Variants in NCAM1 observed in about 807,000 individuals in gnomAD.
NCAM1 encodes neural cell adhesion molecule 1, also known as antigen recognized by monoclonal antibody 5.1H11.
In NCAM1, 14 loss-of-function variants were observed where a neutral mutation model predicts 109.8. The ratio of observed to expected loss-of-function variants is 0.13; its 90% CI spans 0.08 to 0.20. NCAM1 has a LOEUF of 0.20. Ranked by LOEUF, NCAM1 falls within the 10% of genes least tolerant of loss-of-function variation. The pLI is 1.00. For synonymous variants in NCAM1, 418 were observed against 442.9 expected (o/e 0.94, Z 0.70); for missense variants, 774 against 1,109.9 (o/e 0.70, Z 4.30).
chr11:113,102,165 A>G lies in NCAM1; in HGVS notation c.53-100214A>G, dbSNP rs189603278. ...TCATTACATTTTTTAGTCATCTGAA[A>G]AAGTTCTTTAGGATTATTATTTCAT... On this transcript the variant is annotated intron_variant, in intron 1 of 19. Coordinates refer to ENST00000316851, the MANE Select transcript of NCAM1 (RefSeq NM_181351.5). Among the ~76,000 whole-genome samples, 49 of 152,340 alleles carry G rather than the reference A, an allele frequency of 3.2e-4. No homozygotes were observed. In the South Asian group the frequency reaches 8.5e-3, roughly 26 times the overall value.
intron 1 of NCAM1, among the ~76,000 whole-genome samples, chr11:113,099,666 A>G (rs541982894): frequency 6.6e-6 from 1 of 152,134 alleles, no homozygotes; most frequent in Non-Finnish European, 1.5e-5. Context: ...AGCTTGCTTC[A>G]AGGGCTTTTT....
At chr11:112,966,237 A>T (rs1394423745) in intron 1 of NCAM1, among the ~76,000 whole-genome samples, 2 of 152,228 alleles carry the variant, frequency 1.3e-5, no homozygotes, top group Admixed American at 1.3e-4. Context: ...TGGCTGTATA[A>T]AATGAAGTCA....
rs544068132 is a variant in NCAM1 at position 113,148,003 on chromosome 11, G to A, written c.53-54376G>A. 6.6e-5 allele frequency among the ~76,000 whole-genome samples: 10 copies of A among 152,344 alleles called. No homozygotes were observed. The South Asian group carries it at 2.1e-3, about 32-fold the overall frequency. ...GTGTGAAAACACTTTAAAAATGGGT[G>A]AATGCTCTACAAATATCATGTCTTA... On this transcript the variant is annotated intron_variant, in intron 1 of 19. Coordinates refer to ENST00000316851, the MANE Select transcript of NCAM1 (RefSeq NM_181351.5).
chr11:113,028,380 G>A (rs1480058770), intron 1 of NCAM1, among the ~76,000 whole-genome samples: 1 of 152,034 alleles, frequency 6.6e-6, no homozygotes, highest in Non-Finnish European at 1.5e-5. Flanking sequence ...AAGCCGCTTT[G>A]TGTATTATTG....
chr11:113,025,167 T>A (rs1952498381), intron 1 of NCAM1, among the ~76,000 whole-genome samples: 1 of 152,210 alleles, frequency 6.6e-6, no homozygotes, highest in Admixed American at 6.5e-5. Flanking sequence ...AATTTAGATA[T>A]TTCTCAAGTC....
At chr11:113,243,535 C>A (rs1555119518) in intron 14 of NCAM1, 1 of 518,260 alleles carries the variant, frequency 1.9e-6, no homozygotes, top group South Asian at 1.4e-5. Context: ...AGATTGTATC[C>A]TCTTTTTTCA....
At chr11:113,143,942 G>C (rs778070171) in intron 1 of NCAM1, among the ~76,000 whole-genome samples, 2 of 152,186 alleles carry the variant, frequency 1.3e-5, no homozygotes, top group African/African-American at 4.8e-5. Flanking sequence ...ATCCATGGTT[G>C]CTTGGAAATC....
rs377426912 is a variant in NCAM1 at position 113,275,360 on chromosome 11, G to C, written c.2550G>C (p.Gln850His). The change falls in exon 20 of 20, where the codon CAG (glutamine) becomes CAC (histidine). Residue 850 changes from glutamine (Q) to histidine (H), a missense_variant. Physicochemically the swap from Gln to His is conservative, Grantham distance 24 (BLOSUM62 0). Around this residue, in one of 4 missense-constraint regions of NCAM1, gnomAD observed 122 missense variants for 129.7 expected, o/e 0.94. Transcript: ENST00000316851. ...EVKTVPNDAT[Q>H]TKENESKA ...AGACGGTCCCCAATGACGCCACACA[G>C]ACAAAGGAGAACGAGAGCAAAGCAT... is the stretch of plus-strand genomic sequence containing the variant. 18 of 1,613,240 alleles carry C rather than the reference G, an allele frequency of 1.1e-5. No individual in the cohort carries two copies. The highest frequency in any genetic ancestry group is 3.3e-5 in the Admixed American group (2 of 59,918).
At chr11:113,089,192 A>G (rs1375178682) in intron 1 of NCAM1, among the ~76,000 whole-genome samples, 1 of 152,144 alleles carries the variant, frequency 6.6e-6, no homozygotes, top group Non-Finnish European at 1.5e-5. Context: ...TAGCTCCTGT[A>G]GTCCCAGCTA....
intron 1 of NCAM1, among the ~76,000 whole-genome samples, chr11:113,051,405 C>G (rs982691362): frequency 6.6e-6 from 1 of 152,110 alleles, no homozygotes; most frequent in Non-Finnish European, 1.5e-5. Context: ...ATTCTTAAGT[C>G]TCTCTTAATT....
chr11:113,015,930 GATGAGAGAACTTAGCT>G (rs1252430080), intron 1 of NCAM1, among the ~76,000 whole-genome samples: 7 of 152,130 alleles, frequency 4.6e-5, no homozygotes, highest in African/African-American at 1.7e-4. Context: ...GAGGTGGTGA[GATGAGAGAACTTAGCT>G]TCAGCAGCCT....
intron 18 of NCAM1, 183 bp downstream of exon 18, chr11:113,270,578 C>T (rs1477162194): frequency 4.9e-6 from 3 of 617,110 alleles, no homozygotes; most frequent in Admixed American, 5.9e-5. Context: ...TTGGGGGTTA[C>T]CTGTTTGAAA....
intron 1 of NCAM1, among the ~76,000 whole-genome samples, chr11:113,131,320 G>A (rs1941373343): frequency 6.6e-6 from 1 of 152,184 alleles, no homozygotes; most frequent in Admixed American, 6.5e-5. Flanking sequence ...CCTCTGGGCT[G>A]TGTGAGGGAT....
At chr11:113,139,106 A>G (rs1941718635) in intron 1 of NCAM1, among the ~76,000 whole-genome samples, 1 of 152,262 alleles carries the variant, frequency 6.6e-6, no homozygotes, top group Non-Finnish European at 1.5e-5. Context: ...TTGAAAGAGC[A>G]AACAGACTGC....
At chr11:113,270,461 G>T in intron 18 of NCAM1, 66 bp downstream of exon 18, 1 of 1,463,616 alleles carries the variant, frequency 6.8e-7, no homozygotes, top group Non-Finnish European at 9.5e-7. Flanking sequence ...CCCAGCAGCT[G>T]CACCACCCTG....
Position 113,044,635 on chromosome 11 carries a change from C to T in NCAM1, c.52+82971C>T, listed in dbSNP as rs568705445. On this transcript the variant is annotated intron_variant, in intron 1 of 19. Coordinates refer to ENST00000316851, the MANE Select transcript of NCAM1 (RefSeq NM_181351.5). Reference sequence around the variant, plus strand: ...GGGAGGCGGAGGTTGCAATGAGCCACGATCGCGTCACTGCACTCCAGCCTG... The same window carrying T: ...GGGAGGCGGAGGTTGCAATGAGCCATGATCGCGTCACTGCACTCCAGCCTG... Among the ~76,000 whole-genome samples the T allele has an allele frequency of 5.3e-5, 8 of 152,036 alleles. No homozygotes were observed. The East Asian group carries it at 1.6e-3, about 30-fold the overall frequency.
chr11:113,256,266 C>G (rs1252340795), intron 16 of NCAM1, among the ~76,000 whole-genome samples: 1 of 152,162 alleles, frequency 6.6e-6, no homozygotes, highest in African/African-American at 2.4e-5. Context: ...TTTTCTGTGT[C>G]TTGAACTTTT....
In NCAM1 at chr11:113,225,964, G is replaced by T. The variant is rs202010587; in HGVS notation, c.1089+4639G>T. 2.0e-5 allele frequency among the ~76,000 whole-genome samples: 3 copies of T among 152,094 alleles called. No individual in the cohort carries two copies. In the East Asian group the frequency reaches 5.8e-4, roughly 29 times the overall value. The stretch of plus-strand genomic sequence containing the variant: ...ACATGGAAAGGAACAACTGGTACCA[G>T]CCACTGCAAAAACATGCCAAATCGT... On this transcript the variant is annotated intron_variant, in intron 9 of 19. Coordinates refer to ENST00000316851, the MANE Select transcript of NCAM1 (RefSeq NM_181351.5).
chr11:113,225,620 C>T (rs1474477300), intron 9 of NCAM1, among the ~76,000 whole-genome samples: 4 of 142,646 alleles, frequency 2.8e-5, no homozygotes, highest in Non-Finnish European at 5.9e-5. Context: ...AACTCCAAGA[C>T]ACTTAATTGT....
Sources: allele counts gnomAD v4.1 joint callset (sites outside exome capture counted in the v4.1 genomes callset), GRCh38; gene constraint gnomAD v4.1.1; regional missense constraint gnomAD v4.1.1; transcripts MANE v1.5; gene names NCBI Gene and HGNC (gene_info 2026-07-23, HGNC 2026-07-21).